The following SPOCK1 variants were observed in gnomAD, a reference collection of about 807,000 sequenced individuals.
The protein encoded by SPOCK1 is testican-1.
A neutral mutation model predicts 55.3 loss-of-function variants in SPOCK1; 23 were observed. The observed-to-expected ratio is 0.42, with a 90% confidence interval of 0.30 to 0.59. The LOEUF (loss-of-function observed/expected upper bound fraction) is 0.59, where lower values mean the gene tolerates loss of function less well. SPOCK1 is among the 20% of genes least tolerant of loss of function. The probability of loss-of-function intolerance (pLI) is 0.22; values close to 1 mark genes in which losing one functional copy is unlikely to be tolerated. For missense variants in SPOCK1, 499 were observed against 552.5 expected (o/e 0.90, Z 0.97); for synonymous variants, 226 against 221.0 (o/e 1.02, Z -0.20).
chr5:137,155,451 G>C (rs1754398066), intron 3 of SPOCK1, among the ~76,000 whole-genome samples: 2 of 152,180 alleles, frequency 1.3e-5, no homozygotes. Flanking sequence ...TGCCCAGTTA[G>C]CCAGTGTGGG....
At chr5:136,994,801 G>A (rs1398539552) in intron 6 of SPOCK1, among the ~76,000 whole-genome samples, 3 of 151,948 alleles carry the variant, frequency 2.0e-5, no homozygotes, top group Non-Finnish European at 2.9e-5. Context: ...AGGTCAGAAG[G>A]TTGAGACCAG....
intron 3 of SPOCK1, among the ~76,000 whole-genome samples, chr5:137,230,821 C>G (rs147011590): frequency 6.6e-4 from 99 of 149,534 alleles, no homozygotes; most frequent in African/African-American, 2.4e-3. Flanking sequence ...TTTACCCAAC[C>G]TCCCCAGAAA....
chr5:137,455,705 T>C (rs553138759), intron 2 of SPOCK1, among the ~76,000 whole-genome samples: 1 of 152,142 alleles, frequency 6.6e-6, no homozygotes, highest in Admixed American at 6.5e-5. Context: ...CATTCCTTCC[T>C]GTCAGCCACC....
intron 2 of SPOCK1, among the ~76,000 whole-genome samples, chr5:137,281,312 T>G (rs757243998): frequency 6.6e-6 from 1 of 152,208 alleles, no homozygotes; most frequent in Non-Finnish European, 1.5e-5. Context: ...ACCAGTGGCA[T>G]AGACTCTGAG....
chr5:137,010,214 C>T (rs1751325713), intron 6 of SPOCK1, among the ~76,000 whole-genome samples: 1 of 151,918 alleles, frequency 6.6e-6, no homozygotes, highest in Non-Finnish European at 1.5e-5. Flanking sequence ...GAGTGCCTGG[C>T]CAAAAGTCGG....
At chr5:137,104,841 T>A (rs4976339) in intron 5 of SPOCK1, among the ~76,000 whole-genome samples, 38,304 of 152,120 alleles carry the variant, frequency 0.25, 5,378 homozygotes, top group Non-Finnish European at 0.32. Context: ...AAAATAATTA[T>A]ACAACATTGT....
intron 4 of SPOCK1, among the ~76,000 whole-genome samples, chr5:137,135,526 C>T (rs527490409): frequency 1.2e-4 from 18 of 152,290 alleles, no homozygotes; most frequent in African/African-American, 3.6e-4. Flanking sequence ...ACCCTTCTTC[C>T]GCAAACAAAC....
At position 137,287,920 on chromosome 5, in the gene SPOCK1, T is replaced by C. The variant is rs147662388; in HGVS notation, c.187-20865A>G. Reference sequence around the variant, plus strand: ...CCATAAAATTGAGAAAATACTATTTTCAAGTTAAATGCAAAGGGAAGTCCC... The same window carrying C: ...CCATAAAATTGAGAAAATACTATTTCCAAGTTAAATGCAAAGGGAAGTCCC... On this transcript the variant is annotated intron_variant, in intron 2 of 10. Coordinates refer to ENST00000394945, the MANE Select transcript of SPOCK1 (RefSeq NM_004598.4). Among the ~76,000 whole-genome samples, 953 of 152,232 alleles carry C rather than the reference T, an allele frequency of 6.3e-3. 4 individuals are homozygous for C. Among genetic ancestry groups the C allele is most frequent in the African/African-American group, 0.022 (934 of 41,524 alleles).
chr5:137,195,636 G>T (rs561777932), intron 3 of SPOCK1, among the ~76,000 whole-genome samples: 2 of 152,222 alleles, frequency 1.3e-5, no homozygotes, highest in African/African-American at 2.4e-5. Flanking sequence ...CTGCCAATGT[G>T]CATGGCATGA....
intron 4 of SPOCK1, among the ~76,000 whole-genome samples, chr5:137,127,666 C>T (rs574449939): frequency 6.6e-6 from 1 of 152,226 alleles, no homozygotes; most frequent in Admixed American, 6.5e-5. Flanking sequence ...TACTTGGGGC[C>T]TGTTATCCCT....
chr5:137,076,286 A>C (rs1390958249), intron 5 of SPOCK1, among the ~76,000 whole-genome samples: 10 of 152,208 alleles, frequency 6.6e-5, no homozygotes, highest in Non-Finnish European at 1.3e-4. Flanking sequence ...TCACCACTGG[A>C]CAGTGCTTAT....
At chr5:137,229,990 T>C (rs1471816582) in intron 3 of SPOCK1, among the ~76,000 whole-genome samples, 3 of 152,040 alleles carry the variant, frequency 2.0e-5, no homozygotes, top group Non-Finnish European at 4.4e-5. Context: ...GTAGTGACAA[T>C]GAAGGCAGCC....
At chr5:137,264,975 C>A (rs985907927) in intron 3 of SPOCK1, among the ~76,000 whole-genome samples, 2 of 152,134 alleles carry the variant, frequency 1.3e-5, no homozygotes, top group Non-Finnish European at 2.9e-5. Flanking sequence ...CCCATAAAGT[C>A]ATAAGGTTTT....
chr5:137,458,901 A>C (rs953936268), intron 2 of SPOCK1, among the ~76,000 whole-genome samples: 2 of 152,254 alleles, frequency 1.3e-5, no homozygotes, highest in Non-Finnish European at 2.9e-5. Context: ...TTCTAAGCCC[A>C]TAAAGATGGG....
At chr5:137,140,503 G>A (rs747142399) in intron 4 of SPOCK1, 77 bp downstream of exon 4, 168 of 1,263,528 alleles carry the variant, frequency 1.3e-4, no homozygotes, top group East Asian at 4.8e-4. Flanking sequence ...ATATCCCCAC[G>A]TCAAAGACTG....
chr5:137,012,736 G>T (rs1335345600), intron 6 of SPOCK1, among the ~76,000 whole-genome samples: 1 of 152,132 alleles, frequency 6.6e-6, no homozygotes, highest in Non-Finnish European at 1.5e-5. Context: ...TGAAAATTAT[G>T]ACCTGTTAGA....
chr5:137,392,549 T>C (rs1371649864), intron 2 of SPOCK1, among the ~76,000 whole-genome samples: 1 of 152,244 alleles, frequency 6.6e-6, no homozygotes, highest in Non-Finnish European at 1.5e-5. Context: ...GGAGACTGAC[T>C]GCATGGGTTC....
intron 2 of SPOCK1, among the ~76,000 whole-genome samples, chr5:137,451,363 C>T (rs751629489): frequency 1.6e-4 from 24 of 152,214 alleles, no homozygotes; most frequent in African/African-American, 2.9e-4. Flanking sequence ...CCCAAGCTCA[C>T]GTTTCAGCCT....
chr5:137,377,219 G>T (rs1751337601), intron 2 of SPOCK1, among the ~76,000 whole-genome samples: 1 of 152,214 alleles, frequency 6.6e-6, no homozygotes, highest in Non-Finnish European at 1.5e-5. Context: ...TCAGGAAATG[G>T]CCCCACACAG....
Sources: gnomAD v4.1 joint callset for allele counts (sites outside exome capture counted in the v4.1 genomes callset) on GRCh38, gnomAD v4.1.1 for gene constraint, MANE v1.5 for transcripts, NCBI Gene and HGNC (gene_info 2026-07-23, HGNC 2026-07-21) for gene names.